Variants in ROBO1 observed in about 807,000 individuals in gnomAD.
The protein encoded by ROBO1 is roundabout homolog 1.
ROBO1 carries 149 observed loss-of-function variants against 195.9 expected under a neutral mutation model. That is an observed-to-expected ratio of 0.76 (90% CI 0.67 to 0.87). The LOEUF is 0.87. ROBO1 is among the 40% of genes least tolerant of loss of function. The pLI is 0.00. For missense variants in ROBO1, 1,933 were observed against 2,068.3 expected, an observed-to-expected ratio of 0.93 and a Z score of 1.27; for synonymous variants, 816 against 733.2, an observed-to-expected ratio of 1.11 and a Z score of -1.82.
chr3:78,717,669 T>C (rs2081935796), intron 6 of ROBO1, 94 bp downstream of exon 6: 1 of 1,376,016 alleles, frequency 7.3e-7, no homozygotes, highest in African/African-American at 1.5e-5. Flanking sequence ...CTAAAAATAT[T>C]TGGCTTAACA....
At chr3:79,129,314 G>A (rs992275001) in intron 2 of ROBO1, among the ~76,000 whole-genome samples, 6 of 152,020 alleles carry the variant, frequency 3.9e-5, no homozygotes, top group Admixed American at 3.9e-4. Context: ...TAAATATTTT[G>A]CGATATGGCT....
At chr3:79,006,420 C>G (rs2108172152) in intron 3 of ROBO1, among the ~76,000 whole-genome samples, 1 of 152,176 alleles carries the variant, frequency 6.6e-6, no homozygotes, top group East Asian at 1.9e-4. Flanking sequence ...TAGAAATAGG[C>G]AGCAACAGAT....
chr3:79,027,315 A>C (rs958680974), intron 3 of ROBO1, among the ~76,000 whole-genome samples: 5 of 152,098 alleles, frequency 3.3e-5, no homozygotes, highest in Non-Finnish European at 7.4e-5. Flanking sequence ...GAAAAAGACT[A>C]TCCAAGCTTA....
At chr3:79,579,800 G>T (rs181377254) in intron 2 of ROBO1, among the ~76,000 whole-genome samples, 61 of 152,206 alleles carry the variant, frequency 4.0e-4, no homozygotes, top group Middle Eastern at 3.4e-3. Context: ...AATAAAATGT[G>T]CAGTGAAAGA....
At chr3:79,498,822 G>C (rs1939893491) in intron 2 of ROBO1, among the ~76,000 whole-genome samples, 1 of 151,390 alleles carries the variant, frequency 6.6e-6, no homozygotes, top group Non-Finnish European at 1.5e-5. Flanking sequence ...GCTCCAGCCT[G>C]GGCAACAAGA....
intron 28 of ROBO1, among the ~76,000 whole-genome samples, chr3:78,608,331 C>T (rs1331867580): frequency 6.6e-6 from 1 of 152,046 alleles, no homozygotes; most frequent in African/African-American, 2.4e-5. Context: ...GTCTCGAACT[C>T]CTATGCTCAA....
At chr3:79,073,636 G>A (rs945617418) in intron 3 of ROBO1, among the ~76,000 whole-genome samples, 4 of 151,742 alleles carry the variant, frequency 2.6e-5, no homozygotes, top group African/African-American at 9.7e-5. Context: ...ATATATATAT[G>A]ATCTCAGTTC....
At chr3:79,383,134 G>A (rs979652783) in intron 2 of ROBO1, among the ~76,000 whole-genome samples, 2 of 152,052 alleles carry the variant, frequency 1.3e-5, no homozygotes, top group Non-Finnish European at 2.9e-5. Flanking sequence ...TTTATATGTA[G>A]GTTAATTGCC....
chr3:79,110,239 C>T (rs1017992167), intron 3 of ROBO1, among the ~76,000 whole-genome samples: 7 of 151,968 alleles, frequency 4.6e-5, no homozygotes, highest in African/African-American at 1.7e-4. Context: ...GCACATTTTA[C>T]ACTTTCAGAA....
intron 2 of ROBO1, among the ~76,000 whole-genome samples, chr3:79,243,364 G>A (rs1322298150): frequency 6.6e-6 from 1 of 152,074 alleles, no homozygotes; most frequent in Non-Finnish European, 1.5e-5. Flanking sequence ...TGGGATGGCT[G>A]GTTCAAATGG....
At chr3:79,139,208 CA>C (rs1444204874) in intron 2 of ROBO1, among the ~76,000 whole-genome samples, 1 of 151,590 alleles carries the variant, frequency 6.6e-6, no homozygotes, top group Non-Finnish European at 1.5e-5. Context: ...TACACTATTG[CA>C]ATATTAGGAA....
chr3:79,315,491 A>G (rs1333644914), intron 2 of ROBO1, among the ~76,000 whole-genome samples: 1 of 152,186 alleles, frequency 6.6e-6, no homozygotes, highest in Non-Finnish European at 1.5e-5. Flanking sequence ...GGTTAAGCAG[A>G]CATAACTTAC....
chr3:78,993,371 C>A (rs1036029883), intron 3 of ROBO1, among the ~76,000 whole-genome samples: 1 of 152,138 alleles, frequency 6.6e-6, no homozygotes, highest in African/African-American at 2.4e-5. Flanking sequence ...GTAAGGAGAC[C>A]TTATTTTCCC....
intron 10 of ROBO1, among the ~76,000 whole-genome samples, chr3:78,672,919 ATACAACAGAAATGTTCCATATC>A (rs1337837898): frequency 1.3e-5 from 2 of 152,204 alleles, no homozygotes; most frequent in African/African-American, 2.4e-5. Context: ...TGTTAGCACC[ATACAACAGAAATGTTCCATATC>A]TACAACAGAA....
chr3:78,806,145 A>T (rs1178270499), intron 4 of ROBO1, among the ~76,000 whole-genome samples: 2 of 148,866 alleles, frequency 1.3e-5, no homozygotes, highest in Admixed American at 6.7e-5. Flanking sequence ...TTTAAGTTTT[A>T]TTTTTTTTTT....
intron 19 of ROBO1, among the ~76,000 whole-genome samples, chr3:78,651,185 T>C (rs892686870): frequency 6.6e-6 from 1 of 152,146 alleles, no homozygotes; most frequent in Non-Finnish European, 1.5e-5. Context: ...ACATATTCCA[T>C]TTTGCAACTT....
intron 3 of ROBO1, among the ~76,000 whole-genome samples, chr3:78,985,324 T>C (rs2077083039): frequency 6.6e-6 from 1 of 152,128 alleles, no homozygotes; most frequent in South Asian, 2.1e-4. Flanking sequence ...ATATTTTCTT[T>C]CTCAAAGCTA....
chr3:78,643,854 G>A (rs1311367023), intron 21 of ROBO1, among the ~76,000 whole-genome samples: 1 of 152,114 alleles, frequency 6.6e-6, no homozygotes, highest in African/African-American at 2.4e-5. Flanking sequence ...AGGCAAAGGA[G>A]AAGTAGGGCT....
At chr3:79,252,548 T>C (rs2082750946) in intron 2 of ROBO1, among the ~76,000 whole-genome samples, 1 of 152,148 alleles carries the variant, frequency 6.6e-6, no homozygotes, top group Non-Finnish European at 1.5e-5. Context: ...CTTCCAGAAT[T>C]ATGAGAAAAT....
Sources: allele counts gnomAD v4.1 joint callset (sites outside exome capture counted in the v4.1 genomes callset), GRCh38; gene constraint gnomAD v4.1.1; transcripts MANE v1.5; gene names NCBI Gene and HGNC (gene_info 2026-07-23, HGNC 2026-07-21).